Variants in TCF4 observed in about 807,000 individuals in gnomAD.
TCF4 encodes transcription factor 4, also known as SL3-3 enhancer factor 2.
TCF4 carries 3 observed loss-of-function variants against 82.1 expected under a neutral mutation model. The ratio of observed to expected loss-of-function variants is 0.04; its 90% confidence interval spans 0.02 to 0.09. The LOEUF is 0.09. TCF4 is among the 10% of genes least tolerant of loss of function. TCF4 has a pLI of 1.00. For synonymous variants in TCF4, 276 were observed against 309.6 expected (o/e 0.89, Z 1.14); for missense variants, 518 against 852.7 (o/e 0.61, Z 4.89).
rs1434430038 is a variant in TCF4 at position 55,222,675 on chromosome 18, C to T, written c.*5360G>A. 6.6e-6 allele frequency: 1 copy of T among 152,596 alleles called. No homozygotes were observed. The highest frequency in any genetic ancestry group is 1.5e-5 in the Non-Finnish European group (1 of 68,038). 9.5% of individuals were successfully genotyped at this position (152,596 alleles called of 1,614,324 possible). A position where few individuals can be genotyped will look rare whatever the true frequency, so the allele number is the denominator to read the frequency against. ...GAAGCGCTCAGCTACCGCGGGCTTT[C>T]CTTTACATTGCATACATTACTTTAC... On this transcript the variant is annotated 3_prime_UTR_variant, in exon 20 of 20. Coordinates refer to ENST00000354452, the MANE Select transcript of TCF4 (RefSeq NM_001083962.2).
chr18:55,592,853 C>T (rs1384385914), upstream of TCF4, among the ~76,000 whole-genome samples: 2 of 152,102 alleles, frequency 1.3e-5, no homozygotes, highest in South Asian at 2.1e-4. Flanking sequence ...TAAGAGAGAA[C>T]GGTCTTGGGA....
At chr18:55,246,232 C>CGTGTGTGTGTGTGTGTGTGT (rs34773632) in intron 15 of TCF4, among the ~76,000 whole-genome samples, 1 of 147,756 alleles carries the variant, frequency 6.8e-6, no homozygotes, top group South Asian at 2.2e-4. Context: ...TTTAAATACA[C>CGTGTGTGTGTGTGTGTGTGT]GTGTGTGTGT....
chr18:55,625,660 G>C (rs1050097809), intron 2 of TCF4, among the ~76,000 whole-genome samples: 4 of 152,114 alleles, frequency 2.6e-5, no homozygotes, highest in African/African-American at 7.2e-5. Flanking sequence ...ACCTCCCAAA[G>C]AATGTATTTT....
chr18:55,247,275 C>G lies in TCF4; in HGVS notation c.1350+7222G>C, dbSNP rs137967544. On this transcript the variant is annotated intron_variant, in intron 15 of 19. Transcript: ENST00000354452. ...GGCTTTGATGTGGGCATTAGTCACA[C>G]CCATCACATTTGCCAGCAACAGAGA... Among the ~76,000 whole-genome samples the G allele has an allele frequency of 4.0e-3, 603 of 152,278 alleles. 3 individuals carry two copies. The highest frequency in any genetic ancestry group is 6.8e-3 in the Middle Eastern group (2 of 294).
Position 55,615,165 on chromosome 18 carries a change from A to G in TCF4, c.286+16133T>C, listed in dbSNP as rs1035424837. On this transcript the variant is annotated intron_variant, in intron 2 of 20. Transcript: ENST00000398339. ...GGGACCATGTTGAATCTATAGATTA[A>G]TTTGGGGAGAATTGACATGTTAACA... 3.5e-4 allele frequency among the ~76,000 whole-genome samples: 53 copies of G among 152,080 alleles called. 2 individuals carry two copies. The highest frequency in any genetic ancestry group is 8.8e-5 in the Non-Finnish European group (6 of 67,958).
At chr18:55,434,884 T>C (rs1445787524) in intron 5 of TCF4, among the ~76,000 whole-genome samples, 7 of 152,034 alleles carry the variant, frequency 4.6e-5, no homozygotes, top group Non-Finnish European at 1.0e-4. Flanking sequence ...TAATCATATA[T>C]GGGTAAATGG....
intron 15 of TCF4, among the ~76,000 whole-genome samples, chr18:55,246,232 C>CGT (rs34773632): frequency 0.14 from 21,269 of 147,652 alleles, 2,124 homozygotes; most frequent in African/African-American, 0.29. Context: ...TTTAAATACA[C>CGT]GTGTGTGTGT....
intron 3 of TCF4, among the ~76,000 whole-genome samples, chr18:55,571,183 A>G (rs1028687805): frequency 6.6e-6 from 1 of 152,254 alleles, no homozygotes; most frequent in East Asian, 1.9e-4. Context: ...AGGTTCATCA[A>G]CTGGAACATG....
In TCF4 at chr18:55,293,982, A is replaced by C. The variant is rs540619495; in HGVS notation, c.550-14326T>G. Among the ~76,000 whole-genome samples, 10 of 89,386 alleles carry C rather than the reference A, an allele frequency of 1.1e-4. No homozygotes were observed. The South Asian group carries it at 3.8e-3, about 34-fold the overall frequency. The allele number at this position is 89,386 out of a possible 152,430, so 58.6% of individuals were successfully genotyped here. A position where few individuals can be genotyped will look rare whatever the true frequency, so the allele number is the denominator to read the frequency against. ...TTTTTTTAGAATTCATATCTTGGCC[A>C]GGCATTGTGGTTCACGCCTGTAATC... On this transcript the variant is annotated intron_variant, in intron 8 of 19. Coordinates refer to ENST00000354452, the MANE Select transcript of TCF4 (RefSeq NM_001083962.2).
At chr18:55,446,440 C>T (rs1423128920) in intron 5 of TCF4, among the ~76,000 whole-genome samples, 3 of 152,082 alleles carry the variant, frequency 2.0e-5, no homozygotes, top group African/African-American at 7.2e-5. Flanking sequence ...TTTCTAAATT[C>T]TCTACAAAGG....
intron 3 of TCF4, among the ~76,000 whole-genome samples, chr18:55,506,042 T>C (rs1235751679): frequency 6.6e-5 from 10 of 152,190 alleles, no homozygotes; most frequent in Non-Finnish European, 1.3e-4. Context: ...AGACACCTCT[T>C]TGAGAAATGG....
At chr18:55,321,572 C>A in intron 8 of TCF4, 2 of 1,510,454 alleles carry the variant, frequency 1.3e-6, no homozygotes, top group South Asian at 1.2e-5. Context: ...GTGCGGCAGT[C>A]CTGCACAACT....
chr18:55,254,555 C>T lies in TCF4; in HGVS notation c.1292G>A (p.Gly431Asp). Residue 431 changes from glycine to aspartate, a missense_variant, in exon 15 of 20, where the codon GGT becomes GAT. Gly to Asp is a moderately conservative substitution (Grantham distance 94). This residue lies in a region of TCF4 where 144 missense variants were observed against 190.2 expected (regional missense o/e 0.76). Transcript: ENST00000354452. ...GGTTCCATACCCTGAGCCCAGACCA[C>T]CCATGGCTCCATTATGAGAAGGTCC... ...IIGPSHNGAM[G>D]GLGSGYGTGL... 6.2e-7 allele frequency: 1 copy of T among 1,613,802 alleles called. No individual in the cohort carries two copies. Among genetic ancestry groups the T allele is most frequent in the Non-Finnish European group, 8.5e-7 (1 of 1,179,848 alleles).
intron 3 of TCF4, among the ~76,000 whole-genome samples, chr18:55,476,932 T>A (rs779483730): frequency 2.0e-5 from 3 of 152,222 alleles, no homozygotes; most frequent in Non-Finnish European, 4.4e-5. Context: ...TGCATGTGTG[T>A]GCATGTGCCT....
At chr18:55,343,287 G>T (rs1003785657) in intron 8 of TCF4, among the ~76,000 whole-genome samples, 1 of 152,100 alleles carries the variant, frequency 6.6e-6, no homozygotes, top group Non-Finnish European at 1.5e-5. Context: ...AGTTTGCTAT[G>T]AAGAGAGCTT....
intron 5 of TCF4, among the ~76,000 whole-genome samples, chr18:55,449,571 T>C (rs1351724536): frequency 1.3e-5 from 2 of 152,194 alleles, no homozygotes; most frequent in African/African-American, 2.4e-5. Flanking sequence ...ATTTGAAGCA[T>C]TCAGATTTGG....
At chr18:55,564,727 C>A (rs1024628114) in intron 3 of TCF4, among the ~76,000 whole-genome samples, 8 of 152,054 alleles carry the variant, frequency 5.3e-5, no homozygotes, top group Non-Finnish European at 8.8e-5. Context: ...GCAATATATA[C>A]GTGAGCTGTC....
At chr18:55,240,744 A>G (rs1276651590) in intron 15 of TCF4, among the ~76,000 whole-genome samples, 3 of 152,210 alleles carry the variant, frequency 2.0e-5, no homozygotes, top group South Asian at 4.1e-4. Context: ...CATAATTTCC[A>G]TATTTCTCAG....
intron 2 of TCF4, among the ~76,000 whole-genome samples, chr18:55,620,023 T>C (rs760789743): frequency 3.9e-5 from 6 of 152,152 alleles, no homozygotes; most frequent in Non-Finnish European, 8.8e-5. Context: ...TCCATGCTGT[T>C]CTCGTGACAG....
Sources: allele counts gnomAD v4.1 joint callset (sites outside exome capture counted in the v4.1 genomes callset), GRCh38; gene constraint gnomAD v4.1.1; regional missense constraint gnomAD v4.1.1; transcripts MANE v1.5; gene names NCBI Gene and HGNC (gene_info 2026-07-23, HGNC 2026-07-21).